Variants in DNER observed in about 807,000 individuals in gnomAD.
The protein encoded by DNER is delta/notch like EGF repeat containing.
DNER carries 33 observed loss-of-function variants against 78.2 expected under a neutral mutation model. That is an observed-to-expected ratio of 0.42 (90% CI 0.32 to 0.56). DNER has a LOEUF of 0.56. DNER is among the 20% of genes least tolerant of loss of function. The pLI is 0.11. For missense variants in DNER, 918 were observed against 975.3 expected (o/e 0.94, Z 0.78); for synonymous variants, 417 against 384.8 (o/e 1.08, Z -0.98).
At chr2:229,524,558 A>G (rs1409291813) in intron 5 of DNER, among the ~76,000 whole-genome samples, 1 of 152,202 alleles carries the variant, frequency 6.6e-6, no homozygotes, top group Non-Finnish European at 1.5e-5. Flanking sequence ...ATGAAATCAA[A>G]TCAAATCACA....
At chr2:229,462,236 A>G (rs2154210891) in intron 7 of DNER, among the ~76,000 whole-genome samples, 1 of 152,260 alleles carries the variant, frequency 6.6e-6, no homozygotes, top group East Asian at 1.9e-4. Context: ...TTTAAATTGC[A>G]AGACAATGAA....
chr2:229,524,970 G>A (rs1696179896), intron 5 of DNER, among the ~76,000 whole-genome samples: 1 of 152,122 alleles, frequency 6.6e-6, no homozygotes, highest in Non-Finnish European at 1.5e-5. Context: ...ACTCCCTTCG[G>A]GACGTCCCCT....
chr2:229,359,425 A>G (rs933673479), intron 12 of DNER, among the ~76,000 whole-genome samples: 1 of 151,848 alleles, frequency 6.6e-6, no homozygotes, highest in Non-Finnish European at 1.5e-5. Flanking sequence ...AGCCAATTCA[A>G]CTTCTGGGTG....
chr2:229,415,246 A>C (rs1693620420), intron 9 of DNER, among the ~76,000 whole-genome samples: 1 of 152,170 alleles, frequency 6.6e-6, no homozygotes, highest in Non-Finnish European at 1.5e-5. Flanking sequence ...TTCAAAGAGC[A>C]AGCTGTCACA....
At chr2:229,374,175 A>G (rs1453321726) in intron 11 of DNER, among the ~76,000 whole-genome samples, 1 of 152,142 alleles carries the variant, frequency 6.6e-6, no homozygotes, top group Non-Finnish European at 1.5e-5. Context: ...AGAAAAAAAA[A>G]TAGGAGCTGA....
At chr2:229,536,605 G>C (rs1294403908) in intron 5 of DNER, among the ~76,000 whole-genome samples, 3 of 152,148 alleles carry the variant, frequency 2.0e-5, no homozygotes, top group South Asian at 2.1e-4. Context: ...ATTCCAGGGG[G>C]AGGAAGAACA....
intron 1 of DNER, among the ~76,000 whole-genome samples, chr2:229,618,404 C>T (rs984018884): frequency 6.6e-6 from 1 of 152,160 alleles, no homozygotes; most frequent in Admixed American, 6.5e-5. Flanking sequence ...TGGAACCGCA[C>T]TACATGTTTT....
intron 1 of DNER, among the ~76,000 whole-genome samples, chr2:229,671,775 T>C (rs1699213479): frequency 6.6e-6 from 1 of 152,206 alleles, no homozygotes; most frequent in East Asian, 1.9e-4. Flanking sequence ...AGATAACAAC[T>C]ACCCTCTTCT....
At chr2:229,520,511 T>C (rs925967488) in intron 5 of DNER, among the ~76,000 whole-genome samples, 3 of 152,214 alleles carry the variant, frequency 2.0e-5, no homozygotes, top group African/African-American at 7.2e-5. Context: ...AGGTCAAAAC[T>C]CTGGCTAATG....
At chr2:229,523,188 G>A (rs2154212627) in intron 5 of DNER, among the ~76,000 whole-genome samples, 1 of 152,284 alleles carries the variant, frequency 6.6e-6, no homozygotes, top group South Asian at 2.1e-4. Context: ...CCCATGTAGG[G>A]CACAAATCCT....
intron 10 of DNER, among the ~76,000 whole-genome samples, chr2:229,405,542 T>C (rs1183143831): frequency 6.6e-6 from 1 of 152,126 alleles, no homozygotes; most frequent in Admixed American, 6.5e-5. Context: ...TCATATTTCA[T>C]ATAATGGACT....
chr2:229,370,659 T>C (rs959539850), intron 11 of DNER, among the ~76,000 whole-genome samples: 1 of 152,220 alleles, frequency 6.6e-6, no homozygotes, highest in Non-Finnish European at 1.5e-5. Flanking sequence ...CATTTCCAAG[T>C]ATTATAACAT....
rs113820870 is a variant in DNER, at chr2:229,546,802, T to TAGACAGAC, written c.993+137_993+144dup. 1.5e-4 allele frequency: 167 copies of TAGACAGAC among 1,108,046 alleles called. 1 individual carries two copies. The African/African-American group carries it at 1.9e-3, about 13-fold the overall frequency. 68.6% of individuals were successfully genotyped at this position (1,108,046 alleles called of 1,614,324 possible). A position where few individuals can be genotyped will look rare whatever the true frequency, so the allele number is the denominator to read the frequency against. ...ACAGATAGACAGATAGATAGATAGATAGACAGACAGACAGACAGACAGACA... is the reference window on the plus strand; with the variant it reads ...ACAGATAGACAGATAGATAGATAGATAGACAGACAGACAGACAGACAGACAGACAGACA... On this transcript the variant is annotated intron_variant, in intron 5 of 12. Transcript: ENST00000341772.
chr2:229,456,669 A>T (rs897383511), intron 7 of DNER, among the ~76,000 whole-genome samples: 1 of 151,960 alleles, frequency 6.6e-6, no homozygotes, highest in Non-Finnish European at 1.5e-5. Flanking sequence ...TCCTGAAGTC[A>T]CCTCTATAGA....
chr2:229,653,449 A>G (rs1226097498), intron 1 of DNER, among the ~76,000 whole-genome samples: 3 of 152,220 alleles, frequency 2.0e-5, no homozygotes, highest in African/African-American at 7.2e-5. Flanking sequence ...GCCACTTGTC[A>G]TAAAAATTAA....
intron 12 of DNER, among the ~76,000 whole-genome samples, chr2:229,364,169 C>T (rs982262616): frequency 5.3e-5 from 8 of 151,552 alleles, no homozygotes; most frequent in African/African-American, 1.9e-4. Context: ...GCCTCCTCTG[C>T]TCCTTTTTAA....
chr2:229,370,197 C>A (rs558660328), intron 11 of DNER, among the ~76,000 whole-genome samples: 1 of 152,132 alleles, frequency 6.6e-6, no homozygotes, highest in Admixed American at 6.5e-5. Flanking sequence ...CAGATAGACA[C>A]CCAAACAGGG....
chr2:229,517,735 TG>T (rs1221052372), intron 5 of DNER, among the ~76,000 whole-genome samples: 1 of 152,222 alleles, frequency 6.6e-6, no homozygotes. Flanking sequence ...ACATACTTTT[TG>T]GTTGTCACAG....
rs919120077 is a variant in DNER, at chr2:229,393,714, G to A, written c.1724-5318C>T. Among the ~76,000 whole-genome samples the A allele has an allele frequency of 3.3e-5, 5 of 152,060 alleles. No individual in the cohort carries two copies. In the East Asian group the frequency reaches 9.7e-4, roughly 30 times the overall value. On this transcript the variant is annotated intron_variant, in intron 10 of 12. Transcript: ENST00000341772. ...TACAAAAAATTAGCCAGGCGTGGTG[G>A]CGGGCGCCTGTAGTCCCAGCTACTT...
Sources: gnomAD v4.1 joint callset for allele counts (sites outside exome capture counted in the v4.1 genomes callset) on GRCh38, gnomAD v4.1.1 for gene constraint, MANE v1.5 for transcripts, NCBI Gene and HGNC (gene_info 2026-07-23, HGNC 2026-07-21) for gene names.